The following RELA variants were observed in gnomAD, a reference collection of about 807,000 sequenced individuals.
RELA encodes RELA proto-oncogene, NF-kB subunit.
In RELA, 14 loss-of-function variants were observed where a neutral mutation model predicts 56.7. The ratio of observed to expected loss-of-function variants is 0.25; its 90% CI spans 0.16 to 0.39. The LOEUF is 0.39. Among genes scored for constraint, RELA ranks in the 10% least tolerant of loss-of-function variants. The pLI, the probability that RELA is intolerant of heterozygous loss-of-function variation, is 1.00. For synonymous variants in RELA, 315 were observed against 289.7 expected, an observed-to-expected ratio of 1.09 and a Z score of -0.89; for missense variants, 559 against 736.4, an observed-to-expected ratio of 0.76 and a Z score of 2.79.
chr11:65,661,919 C>G lies in RELA; in HGVS notation c.186+18G>C. 1 of 1,611,240 alleles carries G rather than the reference C, an allele frequency of 6.2e-7. No homozygotes were observed. The highest frequency in any genetic ancestry group is 8.5e-7 in the Non-Finnish European group (1 of 1,178,320). Reference sequence around the variant, plus strand: ...GGTTCCACAGTCCCTTCCCCGCACACCCTGGCGCAGTGCTGACCTTGATGG... The same window carrying G: ...GGTTCCACAGTCCCTTCCCCGCACAGCCTGGCGCAGTGCTGACCTTGATGG... On this transcript the variant is annotated intron_variant, in intron 3 of 10. Transcript: ENST00000406246.
At position 65,655,871 on chromosome 11, in the gene RELA, C is replaced by G; in HGVS notation, c.942G>C (p.Lys314Asn). 6.2e-7 allele frequency: 1 copy of G among 1,614,160 alleles called. No individual in the cohort carries two copies. Among genetic ancestry groups the G allele is most frequent in the Non-Finnish European group, 8.5e-7 (1 of 1,180,030 alleles). The part of the protein sequence containing the change: ...RTYETFKSIM[K>N]KSPFSGPTDP... ...CCATCTCACCGCTGAAAGGACTCTT[C>G]TTCATGATGCTCTTGAAGGTCTCAT... Residue 314 changes from lysine (K) to asparagine (N), a missense_variant, in exon 9 of 11, where the codon AAG (lysine) becomes AAC (asparagine). By Grantham distance (94) the Lys-to-Asn change is moderately conservative. Transcript: ENST00000406246.
Position 65,654,208 on chromosome 11 carries a change from GA to G in RELA, c.*169del. 1.2e-6 allele frequency: 1 copy of G among 846,764 alleles called. No homozygotes were observed. The allele number at this position is 846,764 out of a possible 1,614,324, so 52.5% of individuals were successfully genotyped here. On this transcript the variant is annotated 3_prime_UTR_variant, in exon 11 of 11. Transcript: ENST00000406246. ...CTGCTTAAGCACCTCCAAAAAGAGAGAGAGATACAGATACTGACAATAAAAG... is the reference window on the plus strand; with the variant it reads ...CTGCTTAAGCACCTCCAAAAAGAGAGGAGATACAGATACTGACAATAAAAG...
chr11:65,658,275 C>T lies in RELA; in HGVS notation c.877+12G>A, dbSNP rs746656220. On this transcript the variant is annotated intron_variant, in intron 8 of 10. Transcript: ENST00000406246. This position sits in a 1 kb window ranked among gnomAD's most constrained non-coding sequence, Gnocchi z 4.5. ...GCCCAGCTGCCCTGATGCTGCCACC[C>T]CAGCTGTGTACCTGTATCTGGCAGG... is the stretch of plus-strand genomic sequence containing the variant. 6.4e-7 allele frequency: 1 copy of T among 1,570,592 alleles called. No individual in the cohort carries two copies. The highest frequency in any genetic ancestry group is 8.6e-7 in the Non-Finnish European group (1 of 1,156,614).
At position 65,654,824 on chromosome 11, in the gene RELA, C is replaced by G. The variant is rs1390278423; in HGVS notation, c.1210G>C (p.Ala404Pro). The change falls in exon 11 of 11, where the codon GCC becomes CCC. Residue 404 changes from alanine (A) to proline (P), a missense_variant. Physicochemically the swap from Ala to Pro is conservative, Grantham distance 27. Transcript: ENST00000406246. The stretch of plus-strand genomic sequence containing the variant: ...ACTGGGACAGGGGCTGGGGCCTGGG[C>G]CAGAGCTGATACCATGGCTGGAGCA... ...APAPAMVSAL[A>P]QAPAPVPVLA... is the part of the protein sequence containing the mutation. The G allele has an allele frequency of 3.9e-6, 6 of 1,545,710 alleles. No individual in the cohort carries two copies. The South Asian group carries it at 6.0e-5, about 16-fold the overall frequency.
chr11:65,654,192 C>A lies in RELA; in HGVS notation c.*186G>T. 1 of 793,296 alleles carries A rather than the reference C, an allele frequency of 1.3e-6. No homozygotes were observed. Among genetic ancestry groups the A allele is most frequent in the Non-Finnish European group, 2.1e-6 (1 of 466,668 alleles). The allele number at this position is 793,296 out of a possible 1,614,324, so 49.1% of individuals were successfully genotyped here. A position where few individuals can be genotyped will look rare whatever the true frequency, so the allele number is the denominator to read the frequency against. On this transcript the variant is annotated 3_prime_UTR_variant, in exon 11 of 11. Coordinates refer to ENST00000406246, the MANE Select transcript of RELA (RefSeq NM_021975.4). ...AGAGAAGTTAATGCTTCTGCTTAAG[C>A]ACCTCCAAAAAGAGAGAGAGATACA...
chr11:65,663,831 A>C (rs1856631902), upstream of RELA, among the ~76,000 whole-genome samples: 1 of 151,930 alleles, frequency 6.6e-6, no homozygotes, highest in Non-Finnish European at 1.5e-5. Flanking sequence ...CCCAAGACCA[A>C]GCCCAAGGCG....
At chr11:65,657,912 G>A (rs1339978521) in intron 8 of RELA, among the ~76,000 whole-genome samples, 1 of 152,234 alleles carries the variant, frequency 6.6e-6, no homozygotes, top group Admixed American at 6.5e-5. Flanking sequence ...GTATGGTAGT[G>A]ACAAGACAAC....
intron 8 of RELA, among the ~76,000 whole-genome samples, chr11:65,656,148 G>A (rs1474535926): frequency 6.6e-6 from 1 of 152,184 alleles, no homozygotes; most frequent in East Asian, 1.9e-4. Flanking sequence ...GCCCCTCTAA[G>A]ACCACATGGT....
chr11:65,655,509 G>A (rs1305173808), intron 10 of RELA, 179 bp downstream of exon 10: 5 of 615,322 alleles, frequency 8.1e-6, no homozygotes, highest in Admixed American at 5.8e-5. Context: ...TAAGTGGCAC[G>A]GTGGTTCCCA....
At chr11:65,656,501 C>T (rs1407472653) in intron 8 of RELA, among the ~76,000 whole-genome samples, 1 of 152,196 alleles carries the variant, frequency 6.6e-6, no homozygotes, top group East Asian at 1.9e-4. Flanking sequence ...CCTGCATTCC[C>T]TGACCATCCG....
At chr11:65,657,330 C>T (rs1856456366) in intron 8 of RELA, among the ~76,000 whole-genome samples, 1 of 152,220 alleles carries the variant, frequency 6.6e-6, no homozygotes, top group South Asian at 2.1e-4. Context: ...TCTGCTATTC[C>T]TTCTGTAAGG....
intron 6 of RELA, 103 bp downstream of exon 6, chr11:65,659,559 ATGAT>A: frequency 7.2e-7 from 1 of 1,384,690 alleles, no homozygotes; most frequent in South Asian, 1.2e-5. Context: ...AATACGCAAG[ATGAT>A]TGAATGAAGC....
At chr11:65,655,130 T>G (rs915688133) in intron 10 of RELA, 130 bp from the exon 11 acceptor site, 1 of 732,836 alleles carries the variant, frequency 1.4e-6, no homozygotes, top group African/African-American at 1.8e-5. Flanking sequence ...CAACACCCTA[T>G]CTCCTTCCTC....
In RELA at chr11:65,658,245, A is replaced by G. The variant is rs1856478960; in HGVS notation, c.877+42T>C. ...GCAGTCTTGGCCTCTCTCTCACGGC[A>G]CAGAGCCCAGCTGCCCTGATGCTGC... On this transcript the variant is annotated intron_variant, in intron 8 of 10. Transcript: ENST00000406246. The surrounding 1 kb of genome is among the most constrained non-coding windows in gnomAD (Gnocchi z 4.5). The G allele has an allele frequency of 6.8e-7, 1 of 1,477,008 alleles. No homozygotes were observed. The highest frequency in any genetic ancestry group is 1.2e-5 in the South Asian group (1 of 81,088). The allele number at this position is 1,477,008 out of a possible 1,614,324, so 91.5% of individuals were successfully genotyped here. A position where few individuals can be genotyped will look rare whatever the true frequency, so the allele number is the denominator to read the frequency against.
In RELA at chr11:65,655,880, G is replaced by A. The variant is rs1352733302; in HGVS notation, c.933C>T (p.Ser311=). The A allele has an allele frequency of 6.2e-6, 10 of 1,614,034 alleles. No individual in the cohort carries two copies. Among genetic ancestry groups the A allele is most frequent in the Admixed American group, 1.7e-5 (1 of 60,014 alleles). The stretch of plus-strand genomic sequence containing the variant: ...CGCTGAAAGGACTCTTCTTCATGAT[G>A]CTCTTGAAGGTCTCATATGTCCTTT... The part of the protein sequence containing the change: ...KRKRTYETFK[S]IMKKSPFSGP... The change falls in exon 9 of 11, where the codon AGC becomes AGT. Residue 311 remains serine (S), a synonymous_variant. Transcript: ENST00000406246.
At chr11:65,656,393 GTCTT>G (rs376270137) in intron 8 of RELA, among the ~76,000 whole-genome samples, 9 of 152,298 alleles carry the variant, frequency 5.9e-5, no homozygotes, top group African/African-American at 1.2e-4. Context: ...TTTCAGAACT[GTCTT>G]TCTAATTACA....
chr11:65,655,264 TA>T, intron 10 of RELA: 1 of 572,472 alleles, frequency 1.7e-6, no homozygotes, highest in Non-Finnish European at 3.1e-6. Context: ...CTTGGAGAGA[TA>T]AGCTGGACTC....
chr11:65,662,219 G>A lies in RELA; in HGVS notation c.8-14C>T, dbSNP rs1259501963. 2 of 1,560,708 alleles carry A rather than the reference G, an allele frequency of 1.3e-6. No individual in the cohort carries two copies. The highest frequency in any genetic ancestry group is 2.4e-5 in the South Asian group (2 of 83,290). ...GGGGGAACAGTTCTGAAAGGGGAGG[G>A]AGATCAGGGTCAGCACACACCCAAT... On this transcript the variant is annotated splice_polypyrimidine_tract_variant and intron_variant, in intron 1 of 10. Transcript: ENST00000406246.
Position 65,655,846 on chromosome 11 carries a change from C to T in RELA, c.958+9G>A, listed in dbSNP as rs1365716209. 6 of 1,613,778 alleles carry T rather than the reference C, an allele frequency of 3.7e-6. No individual in the cohort carries two copies. The highest frequency in any genetic ancestry group is 1.3e-5 in the African/African-American group (1 of 74,916). On this transcript the variant is annotated intron_variant, in intron 9 of 10. Transcript: ENST00000406246. ...CCTTCCTCTCTGGCTTTCCCAGTCC[C>T]CATCTCACCGCTGAAAGGACTCTTC...
Sources: gnomAD v4.1 joint callset for allele counts (sites outside exome capture counted in the v4.1 genomes callset) on GRCh38, gnomAD v4.1.1 for gene constraint, Gnocchi (gnomAD v3.1) non-coding constraint, MANE v1.5 for transcripts, NCBI Gene and HGNC (gene_info 2026-07-23, HGNC 2026-07-21) for gene names.